Variants in LDB2 observed in about 807,000 individuals in gnomAD.
The protein encoded by LDB2 is LIM domain-binding protein 2.
In LDB2, 12 loss-of-function variants were observed where a neutral mutation model predicts 44.3. The ratio of observed to expected loss-of-function variants is 0.27; its 90% CI spans 0.17 to 0.44. The LOEUF is 0.44. LDB2 is among the 20% of genes least tolerant of loss of function. The pLI is 1.00. For missense variants in LDB2, 344 were observed against 473.5 expected, an observed-to-expected ratio of 0.73 and a Z score of 2.54; for synonymous variants, 164 against 174.8, an observed-to-expected ratio of 0.94 and a Z score of 0.49.
At position 16,614,595 on chromosome 4, in the gene LDB2, A is replaced by C. The variant is rs568048524; in HGVS notation, c.236-18720T>G. ...CAAGAAAAAACAAAAAAAAAAAAAA[A>C]AAAAAACAAGCAACCCCATCAAAAA... On this transcript the variant is annotated intron_variant, in intron 2 of 7. Coordinates refer to ENST00000304523, the MANE Select transcript of LDB2 (RefSeq NM_001290.5). Among the ~76,000 whole-genome samples the C allele has an allele frequency of 4.5e-4, 68 of 151,586 alleles. 1 individual carries two copies. The highest frequency in any genetic ancestry group is 1.5e-3 in the African/African-American group (61 of 41,452).
intron 2 of LDB2, among the ~76,000 whole-genome samples, chr4:16,600,642 T>C (rs968130198): frequency 6.6e-6 from 1 of 152,172 alleles, no homozygotes; most frequent in Non-Finnish European, 1.5e-5. Flanking sequence ...CTAATTGAGC[T>C]GTGGATCCCT....
chr4:16,541,499 G>A (rs1437244705), intron 5 of LDB2, among the ~76,000 whole-genome samples: 1 of 152,176 alleles, frequency 6.6e-6, no homozygotes, highest in African/African-American at 2.4e-5. Flanking sequence ...CCAGTGTCAG[G>A]TATTTCTTAA....
At chr4:16,759,812 T>C (rs992640474) in intron 1 of LDB2, among the ~76,000 whole-genome samples, 5 of 152,174 alleles carry the variant, frequency 3.3e-5, no homozygotes, top group African/African-American at 1.2e-4. Context: ...TTGTCACATA[T>C]ATATGGACTG....
intron 2 of LDB2, among the ~76,000 whole-genome samples, chr4:16,756,722 A>G (rs1168025111): frequency 4.6e-5 from 7 of 152,192 alleles, no homozygotes; most frequent in Non-Finnish European, 1.0e-4. Flanking sequence ...AACAAAACAG[A>G]GCCCTCATCC....
chr4:16,633,243 C>G (rs545910208), intron 2 of LDB2, among the ~76,000 whole-genome samples: 2 of 152,158 alleles, frequency 1.3e-5, no homozygotes, highest in African/African-American at 4.8e-5. Flanking sequence ...ACAATGAGAA[C>G]ACTTGCACAC....
At chr4:16,563,668 C>T (rs554388919) in intron 5 of LDB2, among the ~76,000 whole-genome samples, 8 of 151,026 alleles carry the variant, frequency 5.3e-5, no homozygotes, top group East Asian at 1.9e-4. Context: ...CCATGTTAGC[C>T]GGGATGGTCT....
At chr4:16,700,122 C>T (rs1753124764) in intron 2 of LDB2, among the ~76,000 whole-genome samples, 1 of 152,124 alleles carries the variant, frequency 6.6e-6, no homozygotes, top group African/African-American at 2.4e-5. Context: ...ATGAACATTT[C>T]CTTCGACCCT....
At chr4:16,890,131 T>C (rs1342040947) in intron 1 of LDB2, among the ~76,000 whole-genome samples, 1 of 152,208 alleles carries the variant, frequency 6.6e-6, no homozygotes, top group Non-Finnish European at 1.5e-5. Flanking sequence ...GGCAAGCTAA[T>C]GGATCCCAAA....
rs183066776 is a variant in LDB2, at chr4:16,580,098, C to T, written c.615+5824G>A. Reference sequence around the variant, plus strand: ...TGAGAGAAGGGTAGCAACAGCGTTCCAGGCAGTGGCAGTGAGTCATGCTGT... The same window carrying T: ...TGAGAGAAGGGTAGCAACAGCGTTCTAGGCAGTGGCAGTGAGTCATGCTGT... On this transcript the variant is annotated intron_variant, in intron 5 of 7. Transcript: ENST00000304523. Among the ~76,000 whole-genome samples the T allele has an allele frequency of 7.9e-5, 12 of 152,234 alleles. No homozygotes were observed. In the East Asian group the frequency reaches 2.3e-3, roughly 29 times the overall value.
At chr4:16,560,954 C>G (rs1741934611) in intron 5 of LDB2, among the ~76,000 whole-genome samples, 2 of 152,182 alleles carry the variant, frequency 1.3e-5, no homozygotes, top group East Asian at 3.9e-4. Context: ...TAAACAGAAC[C>G]AAAGACAAAA....
chr4:16,564,234 T>C (rs1346623857), intron 5 of LDB2, among the ~76,000 whole-genome samples: 1 of 152,148 alleles, frequency 6.6e-6, no homozygotes, highest in Non-Finnish European at 1.5e-5. Context: ...CTCATGCCTA[T>C]AGTCCCAGCC....
chr4:16,684,306 A>T (rs373124865), intron 2 of LDB2, among the ~76,000 whole-genome samples: 1 of 152,218 alleles, frequency 6.6e-6, no homozygotes, highest in African/African-American at 2.4e-5. Flanking sequence ...ATTTCGTGTG[A>T]GTTTTGCTCT....
At chr4:16,778,876 T>G (rs1772544572) in intron 1 of LDB2, among the ~76,000 whole-genome samples, 1 of 152,210 alleles carries the variant, frequency 6.6e-6, no homozygotes, top group African/African-American at 2.4e-5. Context: ...TATCCTTGGA[T>G]GTAAAGTTAG....
chr4:16,869,127 A>G (rs1367795838), intron 1 of LDB2, among the ~76,000 whole-genome samples: 1 of 152,154 alleles, frequency 6.6e-6, no homozygotes, highest in African/African-American at 2.4e-5. Flanking sequence ...TGAGGTGGGC[A>G]TCATTATTGT....
chr4:16,536,367 G>A (rs191062563), intron 5 of LDB2, among the ~76,000 whole-genome samples: 1 of 152,266 alleles, frequency 6.6e-6, no homozygotes, highest in African/African-American at 2.4e-5. Flanking sequence ...TTTCCAAATT[G>A]ATTGTGGTCC....
At chr4:16,853,882 T>G (rs1190804412) in intron 1 of LDB2, among the ~76,000 whole-genome samples, 4 of 152,116 alleles carry the variant, frequency 2.6e-5, no homozygotes, top group Admixed American at 1.3e-4. Context: ...GATACAGAAA[T>G]AAAGATATTA....
At chr4:16,848,510 G>T (rs1195573817) in intron 1 of LDB2, among the ~76,000 whole-genome samples, 1 of 152,186 alleles carries the variant, frequency 6.6e-6, no homozygotes, top group Admixed American at 6.5e-5. Flanking sequence ...AGTCTAGTTA[G>T]CATGTGGAAG....
At chr4:16,636,148 A>G (rs1471126487) in intron 2 of LDB2, among the ~76,000 whole-genome samples, 1 of 152,232 alleles carries the variant, frequency 6.6e-6, no homozygotes, top group Non-Finnish European at 1.5e-5. Flanking sequence ...GCAAATCCTA[A>G]AAGTCATCGT....
chr4:16,888,729 T>C (rs1363223844), intron 1 of LDB2: 2 of 984,328 alleles, frequency 2.0e-6, no homozygotes, highest in Non-Finnish European at 2.4e-6. Context: ...ATCGTCGTCA[T>C]CATCATCATA....
Sources: allele counts gnomAD v4.1 joint callset (sites outside exome capture counted in the v4.1 genomes callset), GRCh38; gene constraint gnomAD v4.1.1; transcripts MANE v1.5; gene names NCBI Gene and HGNC (gene_info 2026-07-23, HGNC 2026-07-21).